Variants in PTPRO observed in about 807,000 individuals in gnomAD.
The protein encoded by PTPRO is receptor-type tyrosine-protein phosphatase O.
Under a neutral mutation model 145.2 loss-of-function variants are expected in PTPRO, and 62 were observed. That is an observed-to-expected ratio of 0.43 (90% CI 0.35 to 0.53). The LOEUF is 0.53. Among genes scored for constraint, PTPRO ranks in the 20% least tolerant of loss-of-function variants. The pLI, the probability that PTPRO is intolerant of heterozygous loss-of-function variation, is 0.01. For missense variants in PTPRO, 1,345 were observed against 1,482.7 expected, an observed-to-expected ratio of 0.91 and a Z score of 1.53; for synonymous variants, 565 against 514.7, an observed-to-expected ratio of 1.10 and a Z score of -1.32.
At chr12:15,375,044 A>G (rs7975975) in intron 1 of PTPRO, among the ~76,000 whole-genome samples, 27,566 of 152,158 alleles carry the variant, frequency 0.18, 6,020 homozygotes, top group African/African-American at 0.53. Context: ...ACTGGTTCAC[A>G]GTATTCTAAA....
intron 1 of PTPRO, among the ~76,000 whole-genome samples, chr12:15,403,116 A>C (rs1939545000): frequency 6.6e-6 from 1 of 152,206 alleles, no homozygotes. Flanking sequence ...AATAAAATTC[A>C]AACCCCTTAC....
chr12:15,375,944 C>T (rs1313545503), intron 1 of PTPRO, among the ~76,000 whole-genome samples: 1 of 151,970 alleles, frequency 6.6e-6, no homozygotes, highest in African/African-American at 2.4e-5. Context: ...ACTGAGATTA[C>T]CTAGTCAGAA....
intron 9 of PTPRO, among the ~76,000 whole-genome samples, chr12:15,517,975 A>G (rs1942633947): frequency 6.6e-6 from 1 of 151,706 alleles, no homozygotes; most frequent in Admixed American, 6.6e-5. Flanking sequence ...TCCACTAGGC[A>G]GTACCCCAGT....
intron 1 of PTPRO, among the ~76,000 whole-genome samples, chr12:15,404,165 G>A (rs888559281): frequency 1.4e-5 from 2 of 140,310 alleles, no homozygotes; most frequent in Admixed American, 7.4e-5. Flanking sequence ...CTCTAGCCTG[G>A]GCAACAAAGC....
intron 1 of PTPRO, among the ~76,000 whole-genome samples, chr12:15,397,703 G>A (rs1260436042): frequency 2.0e-5 from 3 of 152,144 alleles, no homozygotes; most frequent in Non-Finnish European, 4.4e-5. Context: ...TAGTATTTTA[G>A]GGGCTAGGAA....
rs541511162 is a variant in PTPRO, at chr12:15,596,360, A to T, written c.*287A>T. The stretch of plus-strand genomic sequence containing the variant: ...AGGGCAGGAAGTACAGCACTTCCGA[A>T]GAGTTTAGTTGGCCCTTTGCTGGTT... On this transcript the variant is annotated 3_prime_UTR_variant, in exon 27 of 27. Coordinates refer to ENST00000281171, the MANE Select transcript of PTPRO (RefSeq NM_030667.3). The T allele has an allele frequency of 3.3e-5, 5 of 152,714 alleles. No homozygotes were observed. In the South Asian group the frequency reaches 1.0e-3, roughly 32 times the overall value. 9.5% of individuals were successfully genotyped at this position (152,714 alleles called of 1,614,324 possible).
chr12:15,456,757 T>C (rs1941187756), intron 1 of PTPRO, among the ~76,000 whole-genome samples: 1 of 152,146 alleles, frequency 6.6e-6, no homozygotes, highest in Non-Finnish European at 1.5e-5. Flanking sequence ...TATATAATTG[T>C]TCATAGTAGC....
chr12:15,354,779 C>T (rs1391600892), intron 1 of PTPRO, among the ~76,000 whole-genome samples: 3 of 152,054 alleles, frequency 2.0e-5, no homozygotes, highest in African/African-American at 2.4e-5. Flanking sequence ...AAGACAACCC[C>T]GTTTTACAAA....
At chr12:15,400,133 G>T (rs1345035706) in intron 1 of PTPRO, among the ~76,000 whole-genome samples, 1 of 149,406 alleles carries the variant, frequency 6.7e-6, no homozygotes, top group African/African-American at 2.5e-5. Context: ...TGGGATTACA[G>T]ACATGCGCCA....
At chr12:15,344,556 T>C (rs1029132554) in intron 1 of PTPRO, among the ~76,000 whole-genome samples, 1 of 152,222 alleles carries the variant, frequency 6.6e-6, no homozygotes, top group East Asian at 1.9e-4. Context: ...TTGCTCCACA[T>C]TGAAAGTTAA....
At chr12:15,523,326 C>T (rs1352063158) in intron 10 of PTPRO, among the ~76,000 whole-genome samples, 2 of 152,204 alleles carry the variant, frequency 1.3e-5, no homozygotes, top group East Asian at 1.9e-4. Context: ...AACCAACATA[C>T]ACCTGGAATT....
At chr12:15,440,005 C>T (rs1940715797) in intron 1 of PTPRO, 3 of 681,428 alleles carry the variant, frequency 4.4e-6, no homozygotes, top group African/African-American at 3.5e-5. Flanking sequence ...CCAAGCTCTC[C>T]ATTGTCCCTG....
chr12:15,535,697 G>T lies in PTPRO; in HGVS notation c.2164+9435G>T, dbSNP rs11056548. On this transcript the variant is annotated intron_variant, in intron 12 of 26. Coordinates refer to ENST00000281171, the MANE Select transcript of PTPRO (RefSeq NM_030667.3). ...CTGCTGCTTCTATTCCTGGACTGGG[G>T]TGTGGCCTTTTTCCTTCAAACTTCA... Among the ~76,000 whole-genome samples, 7 of 152,170 alleles carry T rather than the reference G, an allele frequency of 4.6e-5. No homozygotes were observed. The South Asian group carries it at 1.5e-3, about 32-fold the overall frequency.
chr12:15,539,946 T>C (rs1416687674), intron 12 of PTPRO, among the ~76,000 whole-genome samples: 5 of 151,884 alleles, frequency 3.3e-5, no homozygotes, highest in South Asian at 2.1e-4. Context: ...TGGTTTTTTT[T>C]TTAAATGTTC....
At chr12:15,404,262 C>T (rs980406766) in intron 1 of PTPRO, among the ~76,000 whole-genome samples, 1 of 138,486 alleles carries the variant, frequency 7.2e-6, no homozygotes, top group African/African-American at 2.7e-5. Context: ...GACTAAATAA[C>T]AAAATCCATC....
At chr12:15,566,128 A>G (rs1480673954) in intron 18 of PTPRO, among the ~76,000 whole-genome samples, 1 of 152,208 alleles carries the variant, frequency 6.6e-6, no homozygotes, top group Non-Finnish European at 1.5e-5. Context: ...TATCTATTAA[A>G]CCATTAAATG....
intron 10 of PTPRO, among the ~76,000 whole-genome samples, chr12:15,523,261 A>G (rs149842912): frequency 6.6e-6 from 1 of 152,380 alleles, no homozygotes; most frequent in East Asian, 1.9e-4. Flanking sequence ...GAAAATTTCC[A>G]TAGATTTTAG....
intron 1 of PTPRO, among the ~76,000 whole-genome samples, chr12:15,445,148 G>A (rs1369243047): frequency 6.6e-6 from 1 of 152,228 alleles, no homozygotes; most frequent in East Asian, 1.9e-4. Context: ...AAGAACAAGA[G>A]CAGGTTTAAA....
intron 1 of PTPRO, chr12:15,348,542 A>G (rs113248193): frequency 6.6e-6 from 1 of 152,230 alleles, no homozygotes; most frequent in Admixed American, 6.5e-5. Context: ...GCGGATCACG[A>G]GGTCAGGAGA....
Sources: gnomAD v4.1 joint callset for allele counts (sites outside exome capture counted in the v4.1 genomes callset) on GRCh38, gnomAD v4.1.1 for gene constraint, MANE v1.5 for transcripts, NCBI Gene and HGNC (gene_info 2026-07-23, HGNC 2026-07-21) for gene names.